SMCO4: variants seen among roughly 807,000 people sequenced by gnomAD.
SMCO4 encodes single-pass membrane protein with coiled-coil domains 4.
A neutral mutation model predicts 3.6 loss-of-function variants in SMCO4; 4 were observed. The observed-to-expected ratio is 1.11, with a 90% confidence interval of 0.54 to 2.53. The LOEUF (loss-of-function observed/expected upper bound fraction) is 2.53, where lower values mean the gene tolerates loss of function less well. Ranked by LOEUF, SMCO4 falls within the 30% of genes most tolerant of loss-of-function variation. The pLI is 0.02. For missense variants in SMCO4, 70 were observed against 80.8 expected (o/e 0.87, Z 0.51); for synonymous variants, 36 against 35.3 (o/e 1.02, Z -0.07).
chr11:93,500,378 G>T (rs1488543687), intron 1 of SMCO4, among the ~76,000 whole-genome samples: 1 of 152,134 alleles, frequency 6.6e-6, no homozygotes, highest in Non-Finnish European at 1.5e-5. Context: ...AACAGTTGTT[G>T]TTTTTTTATT....
chr11:93,489,050 G>C (rs749543382), intron 2 of SMCO4, among the ~76,000 whole-genome samples: 4 of 152,182 alleles, frequency 2.6e-5, no homozygotes, highest in Non-Finnish European at 5.9e-5. Context: ...GAGTAAGTCT[G>C]AGGGAGGGTG....
chr11:93,525,540 C>CT lies in SMCO4; in HGVS notation c.-154+17735dup, dbSNP rs1482270156. 2.0e-5 allele frequency among the ~76,000 whole-genome samples: 3 copies of CT among 152,110 alleles called. No homozygotes were observed. The East Asian group carries it at 5.8e-4, about 29-fold the overall frequency. ...TGGAAAAATTCCACTCCCCCCATTC[C>CT]TAAAGGGTTTTGAAGCCCACCCACT... On this transcript the variant is annotated intron_variant, in intron 1 of 2. Coordinates refer to ENST00000298966, the MANE Select transcript of SMCO4 (RefSeq NM_020179.3).
chr11:93,535,838 G>A (rs565777754), intron 1 of SMCO4: 2 of 1,603,500 alleles, frequency 1.2e-6, no homozygotes, highest in Admixed American at 1.7e-5. Context: ...TACATTTCCT[G>A]CTTTCACCAA....
At chr11:93,516,100 G>A (rs1278946871) in intron 1 of SMCO4, among the ~76,000 whole-genome samples, 2 of 152,086 alleles carry the variant, frequency 1.3e-5, no homozygotes, top group Non-Finnish European at 2.9e-5. Flanking sequence ...AGGCATTCCG[G>A]TTCTCATAAT....
At chr11:93,493,073 T>C in intron 2 of SMCO4, among the ~76,000 whole-genome samples, 1 of 152,216 alleles carries the variant, frequency 6.6e-6, no homozygotes, top group South Asian at 2.1e-4. Context: ...GATAAATATT[T>C]GATCTTTAAT....
At chr11:93,535,195 T>G (rs1949207230) in intron 1 of SMCO4, among the ~76,000 whole-genome samples, 1 of 152,138 alleles carries the variant, frequency 6.6e-6, no homozygotes, top group Non-Finnish European at 1.5e-5. Context: ...AATTAAAATG[T>G]CCTATTACCA....
chr11:93,483,233 T>A (rs943635885), intron 2 of SMCO4, among the ~76,000 whole-genome samples: 2 of 152,016 alleles, frequency 1.3e-5, no homozygotes, highest in African/African-American at 4.8e-5. Context: ...CAAGAAGCAA[T>A]CACTTTTGGA....
At chr11:93,505,105 T>C (rs1248144272) in intron 1 of SMCO4, among the ~76,000 whole-genome samples, 1 of 152,228 alleles carries the variant, frequency 6.6e-6, no homozygotes, top group African/African-American at 2.4e-5. Flanking sequence ...CACTCTCAGA[T>C]GATGCAGCTG....
intron 1 of SMCO4, among the ~76,000 whole-genome samples, chr11:93,525,730 T>A (rs779364874): frequency 2.6e-5 from 4 of 152,096 alleles, no homozygotes; most frequent in Non-Finnish European, 5.9e-5. Context: ...CCAGTCATAC[T>A]CAATTCAAAA....
intron 1 of SMCO4, among the ~76,000 whole-genome samples, chr11:93,521,034 G>C (rs993958854): frequency 2.0e-5 from 3 of 152,172 alleles, no homozygotes; most frequent in African/African-American, 4.8e-5. Context: ...TGTTGTTTTT[G>C]ATGAAAATAC....
chr11:93,548,087 C>G (rs1048526759), upstream of SMCO4, among the ~76,000 whole-genome samples: 2 of 152,164 alleles, frequency 1.3e-5, no homozygotes, highest in African/African-American at 4.8e-5. Context: ...CTCCCTTGGC[C>G]CCTGTTCATG....
At chr11:93,546,789 T>A (rs115782995), upstream of SMCO4, among the ~76,000 whole-genome samples, 8,149 of 152,294 alleles carry the variant, frequency 0.054, 267 homozygotes, top group Middle Eastern at 0.058. Context: ...TCTAAACGAT[T>A]ATACATGGCC....
chr11:93,519,509 C>T (rs1023065695), intron 1 of SMCO4, among the ~76,000 whole-genome samples: 2 of 152,172 alleles, frequency 1.3e-5, no homozygotes, highest in South Asian at 2.1e-4. Flanking sequence ...CAAGATAAAC[C>T]TAAAACATCA....
At chr11:93,481,427 C>A (rs996859142) in intron 2 of SMCO4, 1 of 985,308 alleles carries the variant, frequency 1.0e-6, no homozygotes, top group African/African-American at 1.7e-5. Flanking sequence ...TGAGTGATGC[C>A]CACCTTCGCG....
intron 1 of SMCO4, among the ~76,000 whole-genome samples, chr11:93,542,711 A>C (rs1272395139): frequency 6.6e-6 from 1 of 152,058 alleles, no homozygotes; most frequent in Non-Finnish European, 1.5e-5. Flanking sequence ...GGGGAGGAGG[A>C]AGGCTCTATC....
chr11:93,529,609 A>G (rs940836561), intron 1 of SMCO4, among the ~76,000 whole-genome samples: 5 of 152,132 alleles, frequency 3.3e-5, no homozygotes, highest in African/African-American at 9.7e-5. Context: ...ACTTCCCCCG[A>G]GCCCTCATTA....
chr11:93,540,160 A>G (rs777552763), intron 1 of SMCO4, among the ~76,000 whole-genome samples: 1 of 152,174 alleles, frequency 6.6e-6, no homozygotes, highest in Non-Finnish European at 1.5e-5. Context: ...AGAATCATTG[A>G]TAAGTACAAA....
chr11:93,545,608 A>AGAG (rs1351994341), upstream of SMCO4, among the ~76,000 whole-genome samples: 3 of 144,786 alleles, frequency 2.1e-5, no homozygotes, highest in East Asian at 5.9e-4. Flanking sequence ...AAAAAAAAAA[A>AGAG]AGAGAGAGAG....
At chr11:93,540,263 G>A (rs1949261360) in intron 1 of SMCO4, among the ~76,000 whole-genome samples, 1 of 152,186 alleles carries the variant, frequency 6.6e-6, no homozygotes, top group African/African-American at 2.4e-5. Flanking sequence ...GAAAGGAGTG[G>A]ATGCCAATCT....
Sources: allele counts gnomAD v4.1 joint callset (sites outside exome capture counted in the v4.1 genomes callset), GRCh38; gene constraint gnomAD v4.1.1; transcripts MANE v1.5; gene names NCBI Gene and HGNC (gene_info 2026-07-23, HGNC 2026-07-21).